Variants in DCAF11 observed in about 807,000 individuals in gnomAD.
DCAF11 encodes DDB1- and CUL4-associated factor 11.
Under a neutral mutation model 76.1 loss-of-function variants are expected in DCAF11, and 44 were observed. That is an observed-to-expected ratio of 0.58 (90% CI 0.45 to 0.74). The LOEUF (loss-of-function observed/expected upper bound fraction) is 0.74. Among genes scored for constraint, DCAF11 ranks in the 30% least tolerant of loss-of-function variants. The pLI, the probability that DCAF11 is intolerant of heterozygous loss-of-function variation, is 0.00. For missense variants in DCAF11, 604 were observed against 709.4 expected (o/e 0.85, Z 1.69); for synonymous variants, 258 against 255.0 (o/e 1.01, Z -0.11).
intron 2 of DCAF11, among the ~76,000 whole-genome samples, chr14:24,116,389 G>C (rs929861081): frequency 6.6e-6 from 1 of 152,148 alleles, no homozygotes; most frequent in African/African-American, 2.4e-5. Context: ...GGCTCACTGT[G>C]TTCCCCAGTC....
intron 8 of DCAF11, 90 bp from the exon 9 acceptor site, chr14:24,119,055 G>A: frequency 6.5e-7 from 1 of 1,533,826 alleles, no homozygotes; most frequent in Non-Finnish European, 9.0e-7. Flanking sequence ...TTTTTCCCCT[G>A]GGGATGTGCC....
Position 24,114,785 on chromosome 14 carries a change from T to A in DCAF11, c.-722T>A, listed in dbSNP as rs1380789523. 4.1e-6 allele frequency: 4 copies of A among 985,818 alleles called. No homozygotes were observed. In the East Asian group the frequency reaches 3.4e-4, roughly 84 times the overall value. The allele number at this position is 985,818 out of a possible 1,614,324, so 61.1% of individuals were successfully genotyped here. On this transcript the variant is annotated 5_prime_UTR_variant, in exon 1 of 15. Coordinates refer to ENST00000446197, the MANE Select transcript of DCAF11 (RefSeq NM_025230.5). Reference sequence around the variant, plus strand: ...AAGGGGGCGGGGCCGTCGTGTGACGTTTGCAGCCCGCCGGCCAGGAAGCCG... The same window carrying A: ...AAGGGGGCGGGGCCGTCGTGTGACGATTGCAGCCCGCCGGCCAGGAAGCCG...
chr14:24,118,031 C>G (rs1480769722), intron 5 of DCAF11, 24 bp from the exon 6 acceptor site: 2 of 1,545,070 alleles, frequency 1.3e-6, no homozygotes, highest in East Asian at 4.5e-5. Context: ...ACCCCTCACC[C>G]TCACTTTCTC....
chr14:24,118,925 C>A, intron 8 of DCAF11, 121 bp downstream of exon 8: 1 of 1,241,400 alleles, frequency 8.1e-7, no homozygotes, highest in Non-Finnish European at 1.2e-6. Flanking sequence ...GGTCTGTGTG[C>A]ATTCCTGGGA....
At chr14:24,122,675 T>C (rs1399012668) in intron 13 of DCAF11, among the ~76,000 whole-genome samples, 2 of 152,176 alleles carry the variant, frequency 1.3e-5, no homozygotes. Context: ...ACTTTTGTGG[T>C]GCCTTCCATA....
rs2037612353 is a variant in DCAF11 at position 24,117,886 on chromosome 14, A to G, written c.476+154A>G. Among the ~76,000 whole-genome samples the G allele has an allele frequency of 6.6e-6, 1 of 152,228 alleles. No homozygotes were observed. Among genetic ancestry groups the G allele is most frequent in the Non-Finnish European group, 1.5e-5 (1 of 68,040 alleles). The stretch of plus-strand genomic sequence containing the variant: ...GAGTAAACAAAGTAGAAAAGTGTAG[A>G]AAATTGTAGAAATTTAGAGGATGGT... On this transcript the variant is annotated intron_variant, in intron 5 of 14. Coordinates refer to ENST00000446197, the MANE Select transcript of DCAF11 (RefSeq NM_025230.5). This position sits in a 1 kb window ranked among gnomAD's most constrained non-coding sequence, Gnocchi z 4.3.
At position 24,123,034 on chromosome 14, in the gene DCAF11, A is replaced by G. The variant is rs1407998973; in HGVS notation, c.1463A>G (p.Asp488Gly). ...ACCAACCACAAGGCCTGTGTGCGTG[A>G]CGTCAGTTGGCACCCCTTTGAAGAG... ...KLTNHKACVR[D>G]VSWHPFEEKI... The change falls in exon 14 of 15, where the codon GAC (aspartate) becomes GGC (glycine). Residue 488 changes from aspartate (D) to glycine (G), a missense_variant. Asp to Gly is a moderately conservative substitution (Grantham distance 94). Transcript: ENST00000446197. The G allele has an allele frequency of 2.5e-6, 4 of 1,614,174 alleles. No individual in the cohort carries two copies. Among genetic ancestry groups the G allele is most frequent in the Non-Finnish European group, 3.4e-6 (4 of 1,180,036 alleles).
At chr14:24,116,804 C>A in intron 2 of DCAF11, 113 bp from the exon 3 acceptor site, 1 of 1,493,120 alleles carries the variant, frequency 6.7e-7, no homozygotes, top group Non-Finnish European at 9.2e-7. Flanking sequence ...TCTAGTCAGC[C>A]TCAAACCTCA....
intron 13 of DCAF11, 125 bp downstream of exon 13, chr14:24,121,642 C>T: frequency 3.8e-6 from 4 of 1,065,394 alleles, no homozygotes; most frequent in Non-Finnish European, 5.3e-6. Flanking sequence ...TCAAACTTAG[C>T]TTGGAGGCTT....
chr14:24,116,830 GGTCT>G (rs2037585435), intron 2 of DCAF11, 83 bp from the exon 3 acceptor site: 16 of 1,582,438 alleles, frequency 1.0e-5, no homozygotes, highest in Non-Finnish European at 1.4e-5. Flanking sequence ...AGTACCAAGT[GGTCT>G]AAGAGCTAGA....
In DCAF11 at chr14:24,117,843, A is replaced by G. The variant is rs1189790139; in HGVS notation, c.476+111A>G. The stretch of plus-strand genomic sequence containing the variant: ...TCAGAGATATTAAAGGTTAGGTTAA[A>G]TGGGGTTGAAACTTTGAGAGTAAAC... On this transcript the variant is annotated intron_variant, in intron 5 of 14. Transcript: ENST00000446197. This position sits in a 1 kb window ranked among gnomAD's most constrained non-coding sequence, Gnocchi z 4.3. The G allele has an allele frequency of 2.5e-6, 3 of 1,184,246 alleles. No individual in the cohort carries two copies. Among genetic ancestry groups the G allele is most frequent in the Non-Finnish European group, 3.6e-6 (3 of 830,656 alleles). 73.4% of individuals were successfully genotyped at this position (1,184,246 alleles called of 1,614,324 possible). A position where few individuals can be genotyped will look rare whatever the true frequency, so the allele number is the denominator to read the frequency against.
At chr14:24,118,895 G>A in intron 8 of DCAF11, 91 bp downstream of exon 8, 12 of 1,455,232 alleles carry the variant, frequency 8.2e-6, no homozygotes, top group Non-Finnish European at 1.1e-5. Context: ...GTTCTGTTTA[G>A]GGGAAAAAGT....
intron 2 of DCAF11, 93 bp downstream of exon 2, chr14:24,115,842 G>C: frequency 6.7e-7 from 1 of 1,487,360 alleles, no homozygotes. Context: ...TAGGAAATGG[G>C]ATTCGCTCAG....
intron 2 of DCAF11, 101 bp downstream of exon 2, chr14:24,115,850 C>CA: frequency 6.9e-7 from 1 of 1,443,572 alleles, no homozygotes; most frequent in Non-Finnish European, 9.4e-7. Context: ...GGGATTCGCT[C>CA]AGGACAGCTG....
In DCAF11 at chr14:24,115,295, T is replaced by G. The variant is rs1357706039; in HGVS notation, c.-214+2T>G. The stretch of plus-strand genomic sequence containing the variant: ...TCCCCAGTCCGGGGACTTCGATAGG[T>G]GAGTTTGGTGTAGAAAACAAATCTT... On this transcript the variant is annotated splice_donor_variant, in intron 1 of 14. Transcript: ENST00000446197. LOFTEE classifies it low-confidence loss of function (5UTR_SPLICE). 7.8e-6 allele frequency: 2 copies of G among 256,088 alleles called. No individual in the cohort carries two copies. The highest frequency in any genetic ancestry group is 1.1e-4 in the Admixed American group (2 of 17,880). 15.9% of individuals were successfully genotyped at this position (256,088 alleles called of 1,614,324 possible).
rs759298410 is a variant in DCAF11, at chr14:24,123,023, C to A, written c.1452C>A (p.Ala484=). 6.2e-7 allele frequency: 1 copy of A among 1,614,064 alleles called. No homozygotes were observed. The highest frequency in any genetic ancestry group is 8.5e-7 in the Non-Finnish European group (1 of 1,180,030). ...HIVKKLTNHK[A]CVRDVSWHPF... ...TGAAGAAGCTGACCAACCACAAGGC[C>A]TGTGTGCGTGACGTCAGTTGGCACC... Residue 484 remains alanine, a synonymous_variant, in exon 14 of 15, where the codon GCC becomes GCA. Coordinates refer to ENST00000446197, the MANE Select transcript of DCAF11 (RefSeq NM_025230.5).
rs117078522 is a variant in DCAF11 at position 24,115,952 on chromosome 14, C to T, written c.155+203C>T. ...AGTGGTTCTTACCTAGGGAGGGTCA[C>T]CAAGAGGACCTGCTCATGTGTTTGA... On this transcript the variant is annotated intron_variant, in intron 2 of 14. Coordinates refer to ENST00000446197, the MANE Select transcript of DCAF11 (RefSeq NM_025230.5). 7.1e-4 allele frequency among the ~76,000 whole-genome samples: 108 copies of T among 152,068 alleles called. 3 individuals carry two copies. The East Asian group carries it at 0.02, about 28-fold the overall frequency.
chr14:24,118,812 C>T lies in DCAF11; in HGVS notation c.779+8C>T. 1 of 1,613,964 alleles carries T rather than the reference C, an allele frequency of 6.2e-7. No individual in the cohort carries two copies. Among genetic ancestry groups the T allele is most frequent in the South Asian group, 1.1e-5 (1 of 91,086 alleles). On this transcript the variant is annotated splice_region_variant and intron_variant, in intron 8 of 14. Transcript: ENST00000446197. ...CACTGCCCTGGATCTCAGGTACTGG[C>T]TTCCCTTTCTGGTCAGACTCATCAG...
At chr14:24,119,964 C>T (rs2037659598) in intron 11 of DCAF11, 68 bp downstream of exon 11, 11 of 1,478,458 alleles carry the variant, frequency 7.4e-6, no homozygotes, top group South Asian at 1.3e-5. Flanking sequence ...GGCATGAAAG[C>T]GGACTGGTGT....
Sources: gnomAD v4.1 joint callset for allele counts (sites outside exome capture counted in the v4.1 genomes callset) on GRCh38, gnomAD v4.1.1 for gene constraint, Gnocchi (gnomAD v3.1) non-coding constraint, MANE v1.5 for transcripts, NCBI Gene and HGNC (gene_info 2026-07-23, HGNC 2026-07-21) for gene names.